The following CIDEB variants were observed in gnomAD, a reference collection of about 807,000 sequenced individuals.
The protein encoded by CIDEB is cell death inducing DFFA like effector b, also known as lipid transferase CIDEB.
A neutral mutation model predicts 22.4 loss-of-function variants in CIDEB; 27 were observed. The ratio of observed to expected loss-of-function variants is 1.21; its 90% CI spans 0.89 to 1.66. CIDEB has a LOEUF of 1.66. CIDEB is among the 40% of genes most tolerant of loss of function. The pLI is 0.00. For synonymous variants in CIDEB, 103 were observed against 109.5 expected (o/e 0.94, Z 0.37); for missense variants, 289 against 268.7 (o/e 1.08, Z -0.53).
upstream of CIDEB, chr14:24,310,939 C>G (rs969265688): frequency 6.3e-7 from 1 of 1,590,980 alleles, no homozygotes; most frequent in East Asian, 2.3e-5. Context: ...CTGGGCCAGG[C>G]GGGCTGCAAG....
intron 2 of CIDEB, 35 bp from the exon 3 acceptor site, chr14:24,306,558 T>C: frequency 4.3e-6 from 7 of 1,613,990 alleles, no homozygotes; most frequent in Non-Finnish European, 5.9e-6. Context: ...GGGCAGGTCT[T>C]ATCCCATGCC....
chr14:24,310,436 G>C (rs1287560165), upstream of CIDEB: 2 of 675,708 alleles, frequency 3.0e-6, no homozygotes, highest in South Asian at 1.6e-5. Context: ...GGCCAGGAGT[G>C]GGGCAGGTCA....
chr14:24,306,316 A>C, intron 3 of CIDEB, 58 bp downstream of exon 3: 1 of 1,601,764 alleles, frequency 6.2e-7, no homozygotes, highest in Non-Finnish European at 8.6e-7. Flanking sequence ...CTAGAGAGGA[A>C]GCCCGGGAAA....
upstream of CIDEB, chr14:24,310,257 T>C: frequency 2.0e-6 from 1 of 511,194 alleles, no homozygotes; most frequent in South Asian, 2.5e-5. Context: ...CCCAGCTTGG[T>C]AAGTAGATCT....
Position 24,306,153 on chromosome 14 carries a change from G to A in CIDEB, c.337-16C>T, listed in dbSNP as rs1331964125. On this transcript the variant is annotated splice_polypyrimidine_tract_variant and intron_variant, in intron 3 of 4. Coordinates refer to ENST00000554411, the MANE Select transcript of CIDEB (RefSeq NM_001393339.1). ...GCACTCCACTCTGTAGGACACCCTT[G>A]TCAGTGCAGTAGATCCTCATACCAG... is the stretch of plus-strand genomic sequence containing the variant. The A allele has an allele frequency of 6.2e-7, 1 of 1,610,174 alleles. No homozygotes were observed. The highest frequency in any genetic ancestry group is 8.5e-7 in the Non-Finnish European group (1 of 1,177,552).
At chr14:24,310,712 G>C (rs544367385), upstream of CIDEB, 16 of 1,612,958 alleles carry the variant, frequency 9.9e-6, no homozygotes, top group East Asian at 3.3e-4. Context: ...TGCTGAGCTG[G>C]AAGACTTCGC....
At position 24,307,957 on chromosome 14, in the gene CIDEB, A is replaced by G; in HGVS notation, c.-99T>C. ...TTTTCTGTTACAAACCTGGGATCTCAGCCCAGGACAAGGTGGGAATGAGTC... is the reference window on the plus strand; with the variant it reads ...TTTTCTGTTACAAACCTGGGATCTCGGCCCAGGACAAGGTGGGAATGAGTC... On this transcript the variant is annotated 5_prime_UTR_variant, in exon 1 of 5. Transcript: ENST00000554411. The G allele has an allele frequency of 8.9e-7, 1 of 1,124,778 alleles. No homozygotes were observed. The highest frequency in any genetic ancestry group is 1.3e-6 in the Non-Finnish European group (1 of 760,160). The allele number at this position is 1,124,778 out of a possible 1,614,324, so 69.7% of individuals were successfully genotyped here. A position where few individuals can be genotyped will look rare whatever the true frequency, so the allele number is the denominator to read the frequency against.
chr14:24,311,234 C>T (rs751219170), upstream of CIDEB: 21 of 1,608,836 alleles, frequency 1.3e-5, no homozygotes, highest in Non-Finnish European at 1.3e-5. Context: ...TGACCGCTTT[C>T]GTGCTTCCTT....
At chr14:24,306,632 T>C (rs2041518135) in intron 2 of CIDEB, 109 bp from the exon 3 acceptor site, 1 of 1,428,608 alleles carries the variant, frequency 7.0e-7, no homozygotes. Context: ...TGTCCCACTT[T>C]GACTTTCCGG....
At chr14:24,308,673 G>C (rs1222370795), upstream of CIDEB, 1 of 152,284 alleles carries the variant, frequency 6.6e-6, no homozygotes, top group Admixed American at 6.5e-5. Flanking sequence ...CTTCTGGTGC[G>C]CTGTGTCCCA....
chr14:24,306,388 A>G lies in CIDEB; in HGVS notation c.322T>C (p.Trp108Arg). Residue 108 changes from tryptophan to arginine, a missense_variant, in exon 3 of 5, where the codon TGG becomes CGG. Coordinates refer to ENST00000554411, the MANE Select transcript of CIDEB (RefSeq NM_001393339.1). ...AGGCCTCTTACCCTTGTAGGGCTCC[A>G]GCTCTGACCAGACTGCAACACCATC... ...CLMVLQSGQS[W>R]SPTRSGVLSY... 1.2e-6 allele frequency: 2 copies of G among 1,614,230 alleles called. No homozygotes were observed. The highest frequency in any genetic ancestry group is 1.7e-6 in the Non-Finnish European group (2 of 1,180,032).
upstream of CIDEB, chr14:24,311,006 G>A (rs1374363573): frequency 6.3e-7 from 1 of 1,587,034 alleles, no homozygotes; most frequent in East Asian, 2.3e-5. Context: ...TCACCGGCCT[G>A]CTCAGCCTGC....
At chr14:24,307,233 C>T in intron 2 of CIDEB, 138 bp downstream of exon 2, 1 of 915,772 alleles carries the variant, frequency 1.1e-6, no homozygotes. Flanking sequence ...CTCATTAGGC[C>T]CACTCCGCTG....
In CIDEB at chr14:24,307,851, T is replaced by TA; in HGVS notation, c.7dup (p.Tyr3LeufsTer9). The TA allele has an allele frequency of 1.3e-6, 2 of 1,593,032 alleles. No individual in the cohort carries two copies. Reference sequence around the variant, plus strand: ...GTCACTGGGGTTCAGAGCTGAGAGGTACTCCATGGTGGACCGGAGAGTTCC... The same window carrying TA: ...GTCACTGGGGTTCAGAGCTGAGAGGTAACTCCATGGTGGACCGGAGAGTTCC... On this transcript the variant is annotated frameshift_variant, in exon 1 of 5. Coordinates refer to ENST00000554411, the MANE Select transcript of CIDEB (RefSeq NM_001393339.1). LOFTEE classifies it high-confidence loss of function.
chr14:24,307,213 T>C, intron 2 of CIDEB, 158 bp downstream of exon 2: 1 of 713,232 alleles, frequency 1.4e-6, no homozygotes, highest in Non-Finnish European at 2.3e-6. Context: ...AATGAACAAA[T>C]TGACCAGAGC....
In CIDEB at chr14:24,307,960, C is replaced by T. The variant is rs1443019455; in HGVS notation, c.-102G>A. 8.9e-7 allele frequency: 1 copy of T among 1,118,378 alleles called. No homozygotes were observed. The allele number at this position is 1,118,378 out of a possible 1,614,324, so 69.3% of individuals were successfully genotyped here. A position where few individuals can be genotyped will look rare whatever the true frequency, so the allele number is the denominator to read the frequency against. On this transcript the variant is annotated 5_prime_UTR_variant, in exon 1 of 5. Coordinates refer to ENST00000554411, the MANE Select transcript of CIDEB (RefSeq NM_001393339.1). The stretch of plus-strand genomic sequence containing the variant: ...TCTGTTACAAACCTGGGATCTCAGC[C>T]CAGGACAAGGTGGGAATGAGTCAAG...
At chr14:24,310,399 C>A, upstream of CIDEB, 1 of 630,182 alleles carries the variant, frequency 1.6e-6, no homozygotes, top group Non-Finnish European at 2.8e-6. Flanking sequence ...GACTTTATGC[C>A]TGTTTACCAC....
intron 1 of CIDEB, 47 bp downstream of exon 1, chr14:24,307,770 GC>G: frequency 6.5e-7 from 1 of 1,547,690 alleles, no homozygotes; most frequent in Non-Finnish European, 8.8e-7. Context: ...TTGTTGCCCT[GC>G]CTATATCCCC....
At chr14:24,309,824 T>TGGG (rs898595991), upstream of CIDEB, 1 of 152,092 alleles carries the variant, frequency 6.6e-6, no homozygotes, top group Non-Finnish European at 1.5e-5. Flanking sequence ...ATAAGGCAGG[T>TGGG]GGGGGACTGA....
Sources: gnomAD v4.1 joint callset for allele counts on GRCh38, gnomAD v4.1.1 for gene constraint, MANE v1.5 for transcripts, NCBI Gene and HGNC (gene_info 2026-07-23, HGNC 2026-07-21) for gene names.